Variants in ADGRV1 observed in about 807,000 individuals in gnomAD.
ADGRV1 encodes G-protein coupled receptor 98.
In ADGRV1, 359 loss-of-function variants were observed where a neutral mutation model predicts 596.2. That is an observed-to-expected ratio of 0.60 (90% confidence interval 0.55 to 0.66). The LOEUF (loss-of-function observed/expected upper bound fraction) is 0.66. Among genes scored for constraint, ADGRV1 ranks in the 30% least tolerant of loss-of-function variants. ADGRV1 has a pLI of 0.00. For synonymous variants in ADGRV1, 2,681 were observed against 2,679.2 expected (o/e 1.00, Z -0.02); for missense variants, 7,274 against 7,575.6 (o/e 0.96, Z 1.48).
intron 4 of ADGRV1, 86 bp downstream of exon 4, chr5:90,619,267 A>G (rs1226183288): frequency 1.7e-6 from 1 of 571,534 alleles, no homozygotes; most frequent in Non-Finnish European, 2.9e-6. Flanking sequence ...GTTAGCTAGT[A>G]TCATGCTGTG....
chr5:90,982,798 A>G (rs981521819), intron 84 of ADGRV1, among the ~76,000 whole-genome samples: 8 of 152,162 alleles, frequency 5.3e-5, no homozygotes, highest in Non-Finnish European at 1.2e-4. Context: ...GAGCAATGTC[A>G]GGGAGTACAC....
chr5:91,009,040 C>T (rs539274806), intron 85 of ADGRV1, among the ~76,000 whole-genome samples: 1 of 152,238 alleles, frequency 6.6e-6, no homozygotes, highest in African/African-American at 2.4e-5. Context: ...ATGTTATCCT[C>T]AGATAATCTG....
chr5:90,688,674 T>C (rs1746034932), intron 29 of ADGRV1, among the ~76,000 whole-genome samples: 1 of 152,154 alleles, frequency 6.6e-6, no homozygotes, highest in Non-Finnish European at 1.5e-5. Flanking sequence ...TTGCAAAAAG[T>C]TTTGGCCAAA....
intron 86 of ADGRV1, among the ~76,000 whole-genome samples, chr5:91,075,229 G>T (rs1348440794): frequency 6.6e-6 from 1 of 152,020 alleles, no homozygotes; most frequent in Admixed American, 6.6e-5. Flanking sequence ...ATCAACTTGG[G>T]ATTCATCTTA....
intron 1 of ADGRV1, among the ~76,000 whole-genome samples, chr5:90,563,665 G>A (rs930013467): frequency 3.3e-5 from 5 of 152,182 alleles, no homozygotes; most frequent in Non-Finnish European, 7.4e-5. Context: ...AATTAACAAA[G>A]AAGGTGCAAT....
intron 83 of ADGRV1, among the ~76,000 whole-genome samples, chr5:90,886,701 T>C (rs1770320164): frequency 1.3e-5 from 2 of 152,190 alleles, no homozygotes; most frequent in African/African-American, 4.8e-5. Context: ...AAATTTAACA[T>C]GTCCAGATGA....
Position 90,730,438 on chromosome 5 carries a change from A to G in ADGRV1, c.10549+674A>G, listed in dbSNP as rs1041595007. ...AAGTATGTATATGGCAATAGCAAGT[A>G]TTTGCATTTATGAATTTTTTTTAAG... is the stretch of plus-strand genomic sequence containing the variant. On this transcript the variant is annotated intron_variant, in intron 50 of 89. Transcript: ENST00000405460. Among the ~76,000 whole-genome samples the G allele has an allele frequency of 5.3e-5, 8 of 152,164 alleles. 1 individual carries two copies. Among genetic ancestry groups the G allele is most frequent in the Admixed American group, 1.3e-4 (2 of 15,276 alleles).
chr5:91,057,007 T>G (rs942312523), intron 85 of ADGRV1, among the ~76,000 whole-genome samples: 1 of 152,250 alleles, frequency 6.6e-6, no homozygotes, highest in Non-Finnish European at 1.5e-5. Context: ...ATAACCACAT[T>G]TATTTAAGAA....
chr5:90,991,306 A>G (rs1368826195), intron 85 of ADGRV1, among the ~76,000 whole-genome samples: 1 of 152,248 alleles, frequency 6.6e-6, no homozygotes, highest in African/African-American at 2.4e-5. Flanking sequence ...AGAAAAATCA[A>G]CAAATAACTT....
chr5:90,671,185 C>G (rs1460763219), intron 21 of ADGRV1, among the ~76,000 whole-genome samples: 1 of 152,168 alleles, frequency 6.6e-6, no homozygotes, highest in Non-Finnish European at 1.5e-5. Flanking sequence ...TTCTGTGTCC[C>G]CAATAACTAG....
At chr5:90,883,359 A>G (rs1361589814) in intron 83 of ADGRV1, among the ~76,000 whole-genome samples, 1 of 152,194 alleles carries the variant, frequency 6.6e-6, no homozygotes, top group Non-Finnish European at 1.5e-5. Flanking sequence ...ATTGATCCTT[A>G]AATAACAATC....
intron 85 of ADGRV1, among the ~76,000 whole-genome samples, chr5:91,028,421 C>T (rs575579319): frequency 6.6e-6 from 1 of 152,278 alleles, no homozygotes; most frequent in Admixed American, 6.5e-5. Flanking sequence ...GCTATATTTA[C>T]AAAACACTTC....
At chr5:90,567,545 T>C (rs1338713685) in intron 1 of ADGRV1, among the ~76,000 whole-genome samples, 1 of 152,138 alleles carries the variant, frequency 6.6e-6, no homozygotes. Context: ...TGGATGTTCG[T>C]ATCTTCCTAG....
chr5:91,078,792 A>G (rs896674981), intron 86 of ADGRV1, among the ~76,000 whole-genome samples: 15 of 152,352 alleles, frequency 9.8e-5, no homozygotes, highest in South Asian at 8.3e-4. Flanking sequence ...TGGACACCAC[A>G]CAGAGTTGAA....
intron 85 of ADGRV1, among the ~76,000 whole-genome samples, chr5:91,071,400 C>T (rs1788378567): frequency 6.6e-6 from 1 of 152,100 alleles, no homozygotes; most frequent in African/African-American, 2.4e-5. Flanking sequence ...CTGGAATCCA[C>T]CAACTAATTT....
Position 90,687,779 on chromosome 5 carries a change from T to C in ADGRV1, c.6490+1784T>C, listed in dbSNP as rs369795043. ...AACAGACAAACAGAGAGCCAAATCA[T>C]GAGTGAACTCCCATTCACAATTGCT... On this transcript the variant is annotated intron_variant, in intron 29 of 89. Transcript: ENST00000405460. 2.0e-5 allele frequency among the ~76,000 whole-genome samples: 3 copies of C among 152,106 alleles called. No homozygotes were observed. In the South Asian group the frequency reaches 6.2e-4, roughly 32 times the overall value.
intron 61 of ADGRV1, 139 bp downstream of exon 61, chr5:90,776,715 G>A: frequency 1.1e-6 from 1 of 926,224 alleles, no homozygotes; most frequent in Non-Finnish European, 1.6e-6. Flanking sequence ...ATCCTGTGGA[G>A]AGGAGAACAA....
At chr5:90,756,819 T>G in intron 56 of ADGRV1, 160 bp from the exon 57 acceptor site, 1 of 744,802 alleles carries the variant, frequency 1.3e-6, no homozygotes, top group Non-Finnish European at 2.1e-6. Flanking sequence ...TCATTAAATA[T>G]AAGAGTTCAG....
chr5:90,988,657 A>G (rs940359493), intron 85 of ADGRV1, among the ~76,000 whole-genome samples: 2 of 151,516 alleles, frequency 1.3e-5, no homozygotes, highest in African/African-American at 4.9e-5. Context: ...TTTTTTTATT[A>G]TACTTTAAGT....
Sources: allele counts gnomAD v4.1 joint callset (sites outside exome capture counted in the v4.1 genomes callset), GRCh38; gene constraint gnomAD v4.1.1; transcripts MANE v1.5; gene names NCBI Gene and HGNC (gene_info 2026-07-23, HGNC 2026-07-21).